CALD1: variants seen among roughly 807,000 people sequenced by gnomAD.
CALD1 encodes caldesmon.
CALD1 carries 33 observed loss-of-function variants against 99.9 expected under a neutral mutation model. The observed-to-expected ratio is 0.33, with a 90% CI of 0.25 to 0.44. The LOEUF is 0.44. Ranked by LOEUF, CALD1 falls within the 20% of genes least tolerant of loss-of-function variation. The pLI, the probability that CALD1 is intolerant of heterozygous loss-of-function variation, is 1.00. For missense variants in CALD1, 861 were observed against 962.1 expected (o/e 0.89, Z 1.39); for synonymous variants, 310 against 325.0 (o/e 0.95, Z 0.50).
chr7:134,960,271 G>A, intron 12 of CALD1, 160 bp downstream of exon 12: 5 of 839,914 alleles, frequency 6.0e-6, no homozygotes, highest in East Asian at 2.6e-5. Context: ...GAGAGAATGT[G>A]TTTGTGAGGT....
intron 3 of CALD1, among the ~76,000 whole-genome samples, chr7:134,888,589 C>T (rs571871595): frequency 3.9e-5 from 6 of 152,336 alleles, no homozygotes; most frequent in African/African-American, 1.2e-4. Context: ...CACTTGTTAT[C>T]TCTATGCGTC....
chr7:134,926,513 T>A (rs1805031230), intron 3 of CALD1, among the ~76,000 whole-genome samples: 1 of 152,230 alleles, frequency 6.6e-6, no homozygotes, highest in Admixed American at 6.5e-5. Flanking sequence ...TCAGATTTTC[T>A]CAAGTAGCAA....
chr7:134,958,385 C>A, intron 11 of CALD1, 95 bp downstream of exon 11: 15 of 903,660 alleles, frequency 1.7e-5, no homozygotes, highest in Non-Finnish European at 2.5e-5. Flanking sequence ...TAATCAAGTC[C>A]AATAGCCCCA....
intron 1 of CALD1, among the ~76,000 whole-genome samples, chr7:134,824,817 G>A (rs79984488): frequency 0.012 from 1,797 of 152,184 alleles, 34 homozygotes; most frequent in African/African-American, 0.04. Context: ...AGGGTTAAAA[G>A]AATATTTGAC....
At chr7:134,827,775 T>G (rs1799062105) in intron 1 of CALD1, among the ~76,000 whole-genome samples, 1 of 152,206 alleles carries the variant, frequency 6.6e-6, no homozygotes, top group South Asian at 2.1e-4. Context: ...GAGGTTCAGA[T>G]AGAGATGACT....
chr7:134,817,613 G>T (rs758325753), intron 1 of CALD1, among the ~76,000 whole-genome samples: 1 of 152,164 alleles, frequency 6.6e-6, no homozygotes, highest in Middle Eastern at 3.4e-3. Context: ...TCCACATTTT[G>T]CAGAGGCACA....
chr7:134,944,067 CA>C (rs1253862523), intron 7 of CALD1, among the ~76,000 whole-genome samples: 1 of 152,024 alleles, frequency 6.6e-6, no homozygotes, highest in Non-Finnish European at 1.5e-5. Context: ...ATGATGAACA[CA>C]AAGAGAGAGC....
intron 6 of CALD1, among the ~76,000 whole-genome samples, 178 bp from the exon 7 acceptor site, chr7:134,940,914 T>C (rs1806375495): frequency 6.6e-6 from 1 of 152,216 alleles, no homozygotes; most frequent in African/African-American, 2.4e-5. Context: ...GTTCACAGGC[T>C]AAAGGACCAT....
At chr7:134,934,167 T>C (rs1805767507) in intron 5 of CALD1, 90 bp downstream of exon 5, 1 of 1,525,176 alleles carries the variant, frequency 6.6e-7, no homozygotes, top group Non-Finnish European at 8.8e-7. Flanking sequence ...GCCACATGCA[T>C]ATAGCTCACA....
chr7:134,781,688 A>G (rs779634314), intron 1 of CALD1, among the ~76,000 whole-genome samples: 12 of 152,352 alleles, frequency 7.9e-5, no homozygotes, highest in East Asian at 1.9e-4. Flanking sequence ...TAGGACACAC[A>G]AGGAATGTAT....
chr7:134,936,765 A>G (rs1005733114), intron 6 of CALD1, among the ~76,000 whole-genome samples: 4 of 152,206 alleles, frequency 2.6e-5, no homozygotes, highest in African/African-American at 9.6e-5. Context: ...GTTACATATT[A>G]CATTTCTGTT....
intron 1 of CALD1, among the ~76,000 whole-genome samples, chr7:134,745,133 A>C (rs1358491576): frequency 6.6e-6 from 1 of 152,110 alleles, no homozygotes; most frequent in African/African-American, 2.4e-5. Flanking sequence ...ATCCAAACCC[A>C]CTTCTGCTGT....
chr7:134,866,918 G>A (rs1800826024), intron 2 of CALD1: 1 of 152,162 alleles, frequency 6.6e-6, no homozygotes, highest in African/African-American at 2.4e-5. Flanking sequence ...TTTGGGTTTG[G>A]GGGCTGCAGG....
intron 3 of CALD1, among the ~76,000 whole-genome samples, chr7:134,887,642 A>C (rs375806680): frequency 7.0e-6 from 1 of 143,150 alleles, no homozygotes; most frequent in Non-Finnish European, 1.5e-5. Flanking sequence ...GTGTACATGC[A>C]TGTCTGTATG....
chr7:134,774,184 A>G (rs1475286743), intron 1 of CALD1, among the ~76,000 whole-genome samples: 2 of 149,592 alleles, frequency 1.3e-5, no homozygotes, highest in Admixed American at 6.7e-5. Flanking sequence ...AAAAAAAAAG[A>G]GTGAGGTACT....
intron 1 of CALD1, among the ~76,000 whole-genome samples, chr7:134,789,976 G>T (rs1014715739): frequency 6.6e-6 from 1 of 150,926 alleles, no homozygotes; most frequent in Admixed American, 6.6e-5. Context: ...CTAAAGAGTT[G>T]TATTATTCCT....
intron 8 of CALD1, chr7:134,948,096 T>C: frequency 5.0e-6 from 1 of 202,012 alleles, no homozygotes. Context: ...ATTAAAACCC[T>C]TTACTGCCTC....
chr7:134,814,864 C>T (rs1029503173), intron 1 of CALD1, among the ~76,000 whole-genome samples: 2 of 152,094 alleles, frequency 1.3e-5, no homozygotes, highest in African/African-American at 4.8e-5. Flanking sequence ...ACTGAGTGTC[C>T]TTGGATAAAT....
chr7:134,734,027 C>A, the CALD1 span, among the ~76,000 whole-genome samples: 2 of 151,618 alleles, frequency 1.3e-5, no homozygotes, highest in African/African-American at 4.8e-5. Flanking sequence ...TTACATTAAA[C>A]TTTAAAAGCC....
Sources: allele counts gnomAD v4.1 joint callset (sites outside exome capture counted in the v4.1 genomes callset), GRCh38; gene constraint gnomAD v4.1.1; transcripts MANE v1.5; gene names NCBI Gene and HGNC (gene_info 2026-07-23, HGNC 2026-07-21).